The following ZBBX variants were observed in gnomAD, a reference collection of about 807,000 sequenced individuals.
The protein encoded by ZBBX is zinc finger B-box domain-containing protein 1.
ZBBX carries 101 observed loss-of-function variants against 108.5 expected under a neutral mutation model. The observed-to-expected ratio is 0.93, with a 90% confidence interval of 0.79 to 1.10. ZBBX has a LOEUF of 1.10. ZBBX is among the 50% of genes least tolerant of loss of function. The pLI, the probability that ZBBX is intolerant of heterozygous loss-of-function variation, is 0.00. For synonymous variants in ZBBX, 356 were observed against 323.4 expected (o/e 1.10, Z -1.08); for missense variants, 1,009 against 941.4 (o/e 1.07, Z -0.94).
intron 1 of ZBBX, among the ~76,000 whole-genome samples, chr3:167,396,598 A>G (rs569304194): frequency 6.6e-6 from 1 of 152,236 alleles, no homozygotes; most frequent in Non-Finnish European, 1.5e-5. Flanking sequence ...GAAACTAAGC[A>G]CAAATGCTTT....
chr3:167,181,667 A>G, the ZBBX span, among the ~76,000 whole-genome samples: 2 of 152,116 alleles, frequency 1.3e-5, no homozygotes, highest in Admixed American at 6.5e-5. Context: ...CCATTTCCAC[A>G]TACAACACAA....
the ZBBX span, among the ~76,000 whole-genome samples, chr3:167,209,652 C>G: frequency 6.6e-6 from 1 of 152,174 alleles, no homozygotes; most frequent in Non-Finnish European, 1.5e-5. Flanking sequence ...ACAATAAATA[C>G]CTAACTCTTT....
chr3:167,307,187 A>G (rs1483157174), intron 16 of ZBBX, among the ~76,000 whole-genome samples: 4 of 152,112 alleles, frequency 2.6e-5, no homozygotes, highest in African/African-American at 9.7e-5. Flanking sequence ...TGAAAGGGCA[A>G]AAGTATTCCC....
At chr3:167,290,789 C>G (rs373728440) in intron 18 of ZBBX, among the ~76,000 whole-genome samples, 2 of 152,162 alleles carry the variant, frequency 1.3e-5, no homozygotes, top group East Asian at 3.9e-4. Context: ...TAACCCAATG[C>G]AAGGAAGCTA....
At chr3:167,321,526 G>T (rs964786259) in intron 12 of ZBBX, among the ~76,000 whole-genome samples, 5 of 151,732 alleles carry the variant, frequency 3.3e-5, no homozygotes, top group Non-Finnish European at 5.9e-5. Context: ...CCAACAACTT[G>T]CACCTCAAAA....
chr3:167,368,805 C>A (rs1266988261), intron 4 of ZBBX: 2 of 1,016,716 alleles, frequency 2.0e-6, no homozygotes, highest in Non-Finnish European at 2.4e-6. Flanking sequence ...TATTACATTG[C>A]TAGGGGTTCA....
the ZBBX span, among the ~76,000 whole-genome samples, chr3:167,224,042 C>G: frequency 6.6e-6 from 1 of 151,862 alleles, no homozygotes; most frequent in African/African-American, 2.4e-5. Flanking sequence ...GACATGCCAA[C>G]AGGAGGGGAC....
At position 167,305,784 on chromosome 3, in the gene ZBBX, G is replaced by T. The variant is rs775962585; in HGVS notation, c.1584C>A (p.Ser528Arg). 1 of 1,612,798 alleles carries T rather than the reference G, an allele frequency of 6.2e-7. No homozygotes were observed. Among genetic ancestry groups the T allele is most frequent in the South Asian group, 1.1e-5 (1 of 90,994 alleles). ...AATCTCTACCTAGCAAAGTGTCCTTGCTTTCAAGTGATACACAGGAATCAT... is the reference window on the plus strand; with the variant it reads ...AATCTCTACCTAGCAAAGTGTCCTTTCTTTCAAGTGATACACAGGAATCAT... Reference protein sequence around the residue: ...KSDDSCVSLESKDTLLGRDLE... With the variant: ...KSDDSCVSLERKDTLLGRDLE... The change falls in exon 17 of 22, where the codon AGC becomes AGA. Residue 528 changes from serine to arginine, a missense_variant. Ser to Arg is a moderately radical substitution (Grantham distance 110, BLOSUM62 -1). Transcript: ENST00000675490.
intron 20 of ZBBX, among the ~76,000 whole-genome samples, chr3:167,263,614 A>T (rs1429354544): frequency 6.6e-6 from 1 of 152,182 alleles, no homozygotes; most frequent in East Asian, 1.9e-4. Context: ...TGGATATTTT[A>T]TGACTTGTTT....
chr3:167,273,870 A>C (rs1197702154), intron 20 of ZBBX, among the ~76,000 whole-genome samples: 1 of 152,236 alleles, frequency 6.6e-6, no homozygotes, highest in Non-Finnish European at 1.5e-5. Context: ...AAAGCCTGAG[A>C]TCAAATAGCT....
the ZBBX span, among the ~76,000 whole-genome samples, chr3:167,232,960 C>G: frequency 6.6e-6 from 1 of 151,676 alleles, no homozygotes; most frequent in African/African-American, 2.4e-5. Flanking sequence ...GTCACCTTTC[C>G]CCTTTTATAA....
rs751417163 is a variant in ZBBX, at chr3:167,314,151, T to C, written c.1275-35A>G. 7 of 1,514,958 alleles carry C rather than the reference T, an allele frequency of 4.6e-6. No homozygotes were observed. In the East Asian group the frequency reaches 1.7e-4, roughly 36 times the overall value. The allele number at this position is 1,514,958 out of a possible 1,614,324, so 93.8% of individuals were successfully genotyped here. ...GTAGGAACAAACAAAATAATAGAGT[T>C]GAAAAAATGATTTTAAAAAGAAAAT... is the stretch of plus-strand genomic sequence containing the variant. On this transcript the variant is annotated intron_variant, in intron 15 of 21. Transcript: ENST00000675490.
intron 8 of ZBBX, among the ~76,000 whole-genome samples, chr3:167,353,326 A>C (rs555582738): frequency 2.0e-5 from 3 of 152,116 alleles, no homozygotes; most frequent in Non-Finnish European, 4.4e-5. Flanking sequence ...ATGATTTTAC[A>C]TCTTTTACAG....
intron 20 of ZBBX, among the ~76,000 whole-genome samples, chr3:167,275,981 A>G (rs969909674): frequency 8.5e-5 from 13 of 152,198 alleles, no homozygotes; most frequent in Admixed American, 2.0e-4. Flanking sequence ...CCTGACCCCC[A>G]AGCAGCCTAA....
downstream of ZBBX, among the ~76,000 whole-genome samples, chr3:167,238,973 T>A (rs1442005964): frequency 6.6e-6 from 1 of 152,132 alleles, no homozygotes; most frequent in Non-Finnish European, 1.5e-5. Flanking sequence ...CACATCTATA[T>A]CTATATATCT....
At chr3:167,194,088 A>G in the ZBBX span, among the ~76,000 whole-genome samples, 1 of 151,996 alleles carries the variant, frequency 6.6e-6, no homozygotes, top group Non-Finnish European at 1.5e-5. Context: ...AATTTACTGT[A>G]TATTTCAAAA....
chr3:167,314,450 T>C (rs963343540), intron 15 of ZBBX, among the ~76,000 whole-genome samples: 2 of 152,198 alleles, frequency 1.3e-5, no homozygotes, highest in Non-Finnish European at 2.9e-5. Flanking sequence ...CATTAAAATC[T>C]GATGAAATCA....
chr3:167,366,591 GAATA>G (rs1183027590), intron 5 of ZBBX, among the ~76,000 whole-genome samples: 1 of 151,862 alleles, frequency 6.6e-6, no homozygotes, highest in African/African-American at 2.4e-5. Context: ...ACATCACACA[GAATA>G]AATAATTAAG....
intron 8 of ZBBX, among the ~76,000 whole-genome samples, chr3:167,355,427 G>A (rs1355564364): frequency 6.6e-6 from 1 of 151,850 alleles, no homozygotes; most frequent in Non-Finnish European, 1.5e-5. Flanking sequence ...ATTTGCTGAA[G>A]GTCACATAGC....
Sources: allele counts gnomAD v4.1 joint callset (sites outside exome capture counted in the v4.1 genomes callset), GRCh38; gene constraint gnomAD v4.1.1; transcripts MANE v1.5; gene names NCBI Gene and HGNC (gene_info 2026-07-23, HGNC 2026-07-21).